Variants in PTPRD observed in about 807,000 individuals in gnomAD.
PTPRD encodes protein tyrosine phosphatase receptor type D.
PTPRD carries 34 observed loss-of-function variants against 214.5 expected under a neutral mutation model. The observed-to-expected ratio is 0.16, with a 90% CI of 0.12 to 0.21. PTPRD has a LOEUF of 0.21. PTPRD is among the 10% of genes least tolerant of loss of function. PTPRD has a pLI of 1.00. For missense variants in PTPRD, 2,545 were observed against 2,398.7 expected (o/e 1.06, Z -1.27); for synonymous variants, 1,128 against 845.7 (o/e 1.33, Z -5.79).
intron 2 of PTPRD, among the ~76,000 whole-genome samples, chr9:10,421,946 G>A (rs1172202658): frequency 6.6e-6 from 1 of 151,914 alleles, no homozygotes; most frequent in African/African-American, 2.4e-5. Context: ...TTATAGATTA[G>A]TATGGAGAAT....
At chr9:9,742,584 T>C (rs1169727922) in intron 6 of PTPRD, among the ~76,000 whole-genome samples, 3 of 152,136 alleles carry the variant, frequency 2.0e-5, no homozygotes, top group Non-Finnish European at 4.4e-5. Context: ...TAGGAACATG[T>C]TATGCTAAAA....
intron 11 of PTPRD, among the ~76,000 whole-genome samples, chr9:8,753,907 G>A (rs112057788): frequency 0.051 from 7,709 of 152,208 alleles, 487 homozygotes; most frequent in African/African-American, 0.15. Context: ...CACTTTAGGA[G>A]GCTGAGGAGG....
chr9:9,528,018 A>G (rs1297042207), intron 8 of PTPRD, among the ~76,000 whole-genome samples: 1 of 152,220 alleles, frequency 6.6e-6, no homozygotes, highest in African/African-American at 2.4e-5. Context: ...AATTATACCA[A>G]ATAATTGCCT....
At chr9:9,976,859 A>C (rs1273459674) in intron 4 of PTPRD, among the ~76,000 whole-genome samples, 3 of 151,876 alleles carry the variant, frequency 2.0e-5, no homozygotes, top group African/African-American at 7.3e-5. Context: ...AACAAGTTAA[A>C]TTTTTAAAAA....
intron 39 of PTPRD, among the ~76,000 whole-genome samples, chr9:8,342,677 G>A (rs1853618681): frequency 6.6e-6 from 1 of 151,956 alleles, no homozygotes; most frequent in Non-Finnish European, 1.5e-5. Flanking sequence ...GTATCTATGT[G>A]TTCATTTATT....
rs111916977 is a variant in PTPRD, at chr9:8,614,446, A to G, written c.352+18871T>C. On this transcript the variant is annotated intron_variant, in intron 14 of 45. Coordinates refer to ENST00000381196, the MANE Select transcript of PTPRD (RefSeq NM_002839.4). ...GACCTCCCTGCCTGTATTCAGTTTG[A>G]TAAGATGCCACACAGATTAATGCTG... is the stretch of plus-strand genomic sequence containing the variant. 6.9e-3 allele frequency among the ~76,000 whole-genome samples: 1,057 copies of G among 152,292 alleles called. 15 individuals are homozygous for G. The highest frequency in any genetic ancestry group is 0.024 in the African/African-American group (1,011 of 41,576).
intron 14 of PTPRD, among the ~76,000 whole-genome samples, chr9:8,618,868 G>C (rs1392398224): frequency 2.9e-5 from 3 of 104,736 alleles, no homozygotes; most frequent in African/African-American, 1.3e-4. Context: ...AGCTAATTTT[G>C]TGTGTGTGTG....
chr9:10,328,600 C>G (rs569647754), intron 3 of PTPRD, among the ~76,000 whole-genome samples: 1 of 151,754 alleles, frequency 6.6e-6, no homozygotes, highest in Non-Finnish European at 1.5e-5. Flanking sequence ...TTTCCCGAGA[C>G]TTTGAATGAC....
At chr9:9,877,467 T>A (rs1299996544) in intron 5 of PTPRD, among the ~76,000 whole-genome samples, 1 of 152,128 alleles carries the variant, frequency 6.6e-6, no homozygotes, top group African/African-American at 2.4e-5. Context: ...TCTTGAATGA[T>A]ATGTTAGAAC....
intron 3 of PTPRD, among the ~76,000 whole-genome samples, chr9:10,078,514 TAAAAAAAAA>T (rs71485315): frequency 3.8e-5 from 3 of 78,762 alleles, no homozygotes; most frequent in African/African-American, 1.5e-4. Flanking sequence ...AGACTCCATC[TAAAAAAAAA>T]AAAAAAAAAA....
intron 5 of PTPRD, among the ~76,000 whole-genome samples, chr9:9,893,377 G>A (rs1388237784): frequency 1.3e-5 from 2 of 152,004 alleles, no homozygotes; most frequent in African/African-American, 4.8e-5. Flanking sequence ...CTGTCTTCAA[G>A]AGACTCATCT....
intron 7 of PTPRD, among the ~76,000 whole-genome samples, chr9:9,715,816 T>C (rs1366923867): frequency 6.6e-6 from 1 of 152,196 alleles, no homozygotes; most frequent in African/African-American, 2.4e-5. Context: ...CACGGACCCC[T>C]TTAATAATCA....
At chr9:8,670,470 G>A (rs2154362870) in intron 12 of PTPRD, among the ~76,000 whole-genome samples, 1 of 152,222 alleles carries the variant, frequency 6.6e-6, no homozygotes, top group Non-Finnish European at 1.5e-5. Flanking sequence ...TGCTTTCTGT[G>A]TCTGGCTAAT....
At chr9:9,810,110 C>G (rs1274130352) in intron 5 of PTPRD, among the ~76,000 whole-genome samples, 2 of 131,684 alleles carry the variant, frequency 1.5e-5, no homozygotes, top group East Asian at 2.2e-4. Context: ...GATGAAGAAC[C>G]CTATCATGAT....
chr9:10,344,122 G>C (rs567048022), intron 2 of PTPRD, among the ~76,000 whole-genome samples: 10 of 151,014 alleles, frequency 6.6e-5, no homozygotes, highest in Non-Finnish European at 1.3e-4. Context: ...GTCCTGAATG[G>C]TATTGCCTAG....
intron 12 of PTPRD, among the ~76,000 whole-genome samples, chr9:8,645,728 T>C (rs769920106): frequency 2.9e-5 from 4 of 139,920 alleles, no homozygotes; most frequent in Non-Finnish European, 6.3e-5. Flanking sequence ...CCACTTGCAC[T>C]TTCTATCAAT....
chr9:8,524,781 T>C (rs773487990), intron 18 of PTPRD, 144 bp downstream of exon 18: 4 of 788,978 alleles, frequency 5.1e-6, no homozygotes, highest in Non-Finnish European at 9.1e-6. Context: ...ATTTTTAACT[T>C]TTCTATTTAC....
At chr9:8,726,245 A>G (rs1016720501) in intron 12 of PTPRD, among the ~76,000 whole-genome samples, 6 of 152,022 alleles carry the variant, frequency 3.9e-5, no homozygotes, top group Non-Finnish European at 8.8e-5. Flanking sequence ...AAACACATCT[A>G]CGTAGGCAGG....
At chr9:8,892,569 GTATA>G (rs1018832664) in intron 11 of PTPRD, among the ~76,000 whole-genome samples, 1 of 148,700 alleles carries the variant, frequency 6.7e-6, no homozygotes, top group Non-Finnish European at 1.5e-5. Context: ...ATATATGTGT[GTATA>G]TATATGTGTG....
Sources: gnomAD v4.1 joint callset for allele counts (sites outside exome capture counted in the v4.1 genomes callset) on GRCh38, gnomAD v4.1.1 for gene constraint, MANE v1.5 for transcripts, NCBI Gene and HGNC (gene_info 2026-07-23, HGNC 2026-07-21) for gene names.